CFAP91: variants seen among roughly 807,000 people sequenced by gnomAD.
CFAP91 encodes cilia and flagella associated protein 91.
Under a neutral mutation model 95.9 loss-of-function variants are expected in CFAP91, and 85 were observed. The observed-to-expected ratio is 0.89, with a 90% CI of 0.74 to 1.06. CFAP91 has a LOEUF of 1.06. Among genes scored for constraint, CFAP91 ranks in the 50% least tolerant of loss-of-function variants. The pLI, the probability that CFAP91 is intolerant of heterozygous loss-of-function variation, is 0.00. For missense variants in CFAP91, 962 were observed against 943.4 expected, an observed-to-expected ratio of 1.02 and a Z score of -0.26; for synonymous variants, 335 against 327.5, an observed-to-expected ratio of 1.02 and a Z score of -0.25.
At chr3:119,740,276 T>G (rs961434650) in intron 12 of CFAP91, among the ~76,000 whole-genome samples, 2 of 152,246 alleles carry the variant, frequency 1.3e-5, no homozygotes, top group Non-Finnish European at 2.9e-5. Flanking sequence ...TTTCTTCAGA[T>G]GACCCTGGAG....
intron 5 of CFAP91, 50 bp downstream of exon 5, chr3:119,709,945 T>A: frequency 7.1e-7 from 1 of 1,398,636 alleles, no homozygotes; most frequent in Non-Finnish European, 1.0e-6. Flanking sequence ...TATTGTTTGC[T>A]TCCATATTTT....
intron 7 of CFAP91, among the ~76,000 whole-genome samples, chr3:119,728,498 C>T (rs1192341635): frequency 6.6e-6 from 1 of 152,170 alleles, no homozygotes; most frequent in East Asian, 1.9e-4. Context: ...ATTATTATCT[C>T]CACTTTACCA....
At chr3:119,755,526 C>T (rs13072420) in intron 17 of CFAP91, among the ~76,000 whole-genome samples, 33,935 of 152,006 alleles carry the variant, frequency 0.22, 3,958 homozygotes, top group Admixed American at 0.25. Context: ...CCCTCTCTTC[C>T]TCCATCTTCA....
chr3:119,730,185 C>T lies in CFAP91; in HGVS notation c.861-35C>T, dbSNP rs139356773. On this transcript the variant is annotated intron_variant, in intron 7 of 17. Coordinates refer to ENST00000273390, the MANE Select transcript of CFAP91 (RefSeq NM_033364.4). Reference sequence around the variant, plus strand: ...TTCCCTTGCCCTCTGTTTGAGATGCCATATGCTTCTTTATGTTTTGTAATT... The same window carrying T: ...TTCCCTTGCCCTCTGTTTGAGATGCTATATGCTTCTTTATGTTTTGTAATT... The T allele has an allele frequency of 9.0e-5, 144 of 1,601,124 alleles. 2 individuals carry two copies. In the East Asian group the frequency reaches 3.2e-3, roughly 36 times the overall value.
At chr3:119,754,225 C>G (rs2054380849) in intron 17 of CFAP91, among the ~76,000 whole-genome samples, 1 of 152,242 alleles carries the variant, frequency 6.6e-6, no homozygotes, top group African/African-American at 2.4e-5. Flanking sequence ...AAGACCTTGA[C>G]TGAACTGTGT....
intron 6 of CFAP91, among the ~76,000 whole-genome samples, chr3:119,720,269 C>T (rs1009203620): frequency 2.0e-5 from 3 of 149,548 alleles, no homozygotes; most frequent in East Asian, 2.0e-4. Context: ...CGGTGGCGGG[C>T]GCCCGTAGTC....
intron 6 of CFAP91, among the ~76,000 whole-genome samples, chr3:119,723,626 T>C (rs1216382411): frequency 6.6e-6 from 1 of 152,162 alleles, no homozygotes; most frequent in Admixed American, 6.5e-5. Flanking sequence ...TGTATGTAAA[T>C]ATTAAATAAA....
intron 2 of CFAP91, 152 bp from the exon 3 acceptor site, chr3:119,707,252 T>G (rs534148834): frequency 1.7e-6 from 1 of 579,550 alleles, no homozygotes; most frequent in African/African-American, 1.8e-5. Context: ...GGGCATGTAT[T>G]TAAAGATATT....
At chr3:119,706,126 A>G (rs540366846) in intron 1 of CFAP91, 66 of 152,334 alleles carry the variant, frequency 4.3e-4, no homozygotes, top group African/African-American at 1.5e-3. Context: ...TGTTAATTTA[A>G]TGGCAAATCA....
intron 6 of CFAP91, among the ~76,000 whole-genome samples, chr3:119,723,154 C>G (rs1265817801): frequency 6.6e-6 from 1 of 152,014 alleles, no homozygotes; most frequent in African/African-American, 2.4e-5. Context: ...AATTCATGAA[C>G]CAGTAAATAT....
chr3:119,761,240 A>G (rs974207083), intron 17 of CFAP91, among the ~76,000 whole-genome samples: 1 of 151,824 alleles, frequency 6.6e-6, no homozygotes, highest in African/African-American at 2.4e-5. Context: ...ACAATTATAT[A>G]CCAACAATTT....
intron 15 of CFAP91, 141 bp from the exon 16 acceptor site, chr3:119,747,670 A>G: frequency 1.4e-6 from 1 of 716,856 alleles, no homozygotes; most frequent in South Asian, 2.1e-5. Flanking sequence ...ACTTGCCAGG[A>G]ATGTGATATT....
Position 119,703,182 on chromosome 3 carries a change from G to A in CFAP91, c.84G>A (p.Gly28=), listed in dbSNP as rs769770780. ...QTRYRERSRA[G]SHISSNRAYD... is the part of the protein sequence containing the mutation. ...GGTACCGGGAGAGGTCGCGGGCTGG[G>A]AGCCACATCTCCTCCAATCGAGCGT... The change falls in exon 1 of 18, where the codon GGG becomes GGA. Residue 28 remains glycine (G), a synonymous_variant. Transcript: ENST00000273390. The A allele has an allele frequency of 2.5e-6, 4 of 1,610,636 alleles. No homozygotes were observed. Among genetic ancestry groups the A allele is most frequent in the East Asian group, 2.2e-5 (1 of 44,808 alleles).
intron 1 of CFAP91, among the ~76,000 whole-genome samples, chr3:119,705,400 T>C (rs2053339874): frequency 6.6e-6 from 1 of 152,202 alleles, no homozygotes; most frequent in Non-Finnish European, 1.5e-5. Flanking sequence ...TTCTCTGGCC[T>C]CTTATCTACT....
chr3:119,703,364 G>A, intron 1 of CFAP91, 142 bp downstream of exon 1: 1 of 1,324,636 alleles, frequency 7.5e-7, no homozygotes, highest in Non-Finnish European at 1.0e-6. Flanking sequence ...TCCTTGGTCG[G>A]GTGGGGGCAG....
chr3:119,730,225 A>G lies in CFAP91; in HGVS notation c.866A>G (p.Gln289Arg). The G allele has an allele frequency of 6.2e-7, 1 of 1,613,462 alleles. No homozygotes were observed. The highest frequency in any genetic ancestry group is 8.5e-7 in the Non-Finnish European group (1 of 1,179,794). The change falls in exon 8 of 18, where the codon CAG becomes CGG. Residue 289 changes from glutamine to arginine, a missense_variant. Gln to Arg is a conservative substitution (Grantham distance 43). Coordinates refer to ENST00000273390, the MANE Select transcript of CFAP91 (RefSeq NM_033364.4). ...AFREQEIEKL[Q>R]EIRLEVLKEL... ...GTTTTGTAATTTACTTGAAGACTGC[A>G]GGAGATTCGCCTGGAAGTTCTAAAA...
chr3:119,715,320 C>A (rs2053553095), intron 5 of CFAP91: 2 of 624,402 alleles, frequency 3.2e-6, no homozygotes, highest in Non-Finnish European at 5.8e-6. Context: ...ATAGGCACTT[C>A]TGTGGGTCAA....
In CFAP91 at chr3:119,747,139, A is replaced by G. The variant is rs1160667850; in HGVS notation, c.1927A>G (p.Ile643Val). 2.5e-6 allele frequency: 4 copies of G among 1,610,314 alleles called. No individual in the cohort carries two copies. The highest frequency in any genetic ancestry group is 1.6e-4 in the Middle Eastern group (1 of 6,066). The change falls in exon 15 of 18, where the codon ATA becomes GTA. Residue 643 changes from isoleucine to valine, a missense_variant. Ile to Val is a conservative substitution (Grantham distance 29, BLOSUM62 3). Transcript: ENST00000273390. ...KEVVKVHHST[I>V]SSYLEDIILN... is the part of the protein sequence containing the mutation. ...GGTGGTTAAAGTTCACCATAGTACT[A>G]TAAGCTCCTACCTAGAAGACATAAT...
rs1423953890 is a variant in CFAP91 at position 119,743,150 on chromosome 3, TTC to T, written c.1681-823_1681-822del. ...TTTCCTGTGCTTTTTTTTTTTTTTT[TTC>T]TGAGATGGAGTCTCACTCTGTCACC... On this transcript the variant is annotated intron_variant, in intron 13 of 17. Coordinates refer to ENST00000273390, the MANE Select transcript of CFAP91 (RefSeq NM_033364.4). 1.3e-3 allele frequency among the ~76,000 whole-genome samples: 202 copies of T among 151,648 alleles called. 1 individual carries two copies. Among genetic ancestry groups the T allele is most frequent in the Non-Finnish European group, 5.0e-4 (34 of 67,854 alleles).
Sources: allele counts gnomAD v4.1 joint callset (sites outside exome capture counted in the v4.1 genomes callset), GRCh38; gene constraint gnomAD v4.1.1; transcripts MANE v1.5; gene names NCBI Gene and HGNC (gene_info 2026-07-23, HGNC 2026-07-21).